PRORP: variants seen among roughly 807,000 people sequenced by gnomAD.
PRORP encodes protein only RNase P catalytic subunit, also known as mitochondrial ribonuclease P catalytic subunit.
Under a neutral mutation model 59.4 loss-of-function variants are expected in PRORP, and 51 were observed. The observed-to-expected ratio is 0.86, with a 90% CI of 0.69 to 1.08. The LOEUF is 1.08. Ranked by LOEUF, PRORP falls within the 50% of genes least tolerant of loss-of-function variation. The pLI is 0.00. For missense variants in PRORP, 646 were observed against 690.3 expected (o/e 0.94, Z 0.72); for synonymous variants, 231 against 245.6 (o/e 0.94, Z 0.55).
intron 5 of PRORP, among the ~76,000 whole-genome samples, chr14:35,239,121 C>T (rs148569167): frequency 1.3e-4 from 19 of 151,974 alleles, no homozygotes; most frequent in Middle Eastern, 3.4e-3. Context: ...CTTTAGGAGG[C>T]GAGGCGGGCG....
At chr14:35,185,183 G>T (rs1291616351) in intron 5 of PRORP, among the ~76,000 whole-genome samples, 2 of 152,056 alleles carry the variant, frequency 1.3e-5, no homozygotes, top group Non-Finnish European at 2.9e-5. Flanking sequence ...TCACCAGCAT[G>T]TATTATTTTT....
intron 4 of PRORP, among the ~76,000 whole-genome samples, chr14:35,138,509 A>G (rs1012355228): frequency 4.1e-5 from 6 of 145,536 alleles, no homozygotes; most frequent in African/African-American, 1.5e-4. Flanking sequence ...ATTTGAGAAT[A>G]TGAGGTATAA....
intron 5 of PRORP, among the ~76,000 whole-genome samples, chr14:35,219,503 G>A (rs2049714724): frequency 6.6e-6 from 1 of 152,160 alleles, no homozygotes; most frequent in Admixed American, 6.5e-5. Context: ...CAGTGTTTAG[G>A]TCCTGAGTAC....
rs1197494637 is a variant in PRORP at position 35,277,065 on chromosome 14, A to T, written c.*3499A>T. 6.6e-6 allele frequency: 1 copy of T among 150,490 alleles called. No individual in the cohort carries two copies. Among genetic ancestry groups the T allele is most frequent in the Non-Finnish European group, 1.5e-5 (1 of 67,740 alleles). The allele number at this position is 150,490 out of a possible 1,614,324, so 9.3% of individuals were successfully genotyped here. ...TGAGACAGAGTCTTGATCTTTTTTC[A>T]TCTAGGCTGGAGTGCAATGGTTTGA... On this transcript the variant is annotated 3_prime_UTR_variant, in exon 8 of 8. Transcript: ENST00000534898.
intron 4 of PRORP, among the ~76,000 whole-genome samples, chr14:35,149,457 C>T (rs2047690786): frequency 6.6e-6 from 1 of 152,198 alleles, no homozygotes; most frequent in African/African-American, 2.4e-5. Context: ...AAGTGATCCT[C>T]TTGCTTCAGC....
rs550528802 is a variant in PRORP at position 35,123,956 on chromosome 14, A to C, written c.711A>C (p.Lys237Asn). The C allele has an allele frequency of 3.1e-6, 5 of 1,614,060 alleles. No homozygotes were observed. In the African/African-American group the frequency reaches 6.7e-5, roughly 22 times the overall value. ...REALLLLEDIKKVITPSKKNY... is the reference protein window; with the variant it reads ...REALLLLEDINKVITPSKKNY... ...CATTGTTGCTGTTAGAGGACATCAA[A>C]AAAGTTATAACTCCTTCAAAAAAGA... The change falls in exon 2 of 8, where the codon AAA (lysine) becomes AAC (asparagine). Residue 237 changes from lysine to asparagine, a missense_variant. Transcript: ENST00000534898.
intron 4 of PRORP, among the ~76,000 whole-genome samples, chr14:35,132,948 GTGT>G (rs2047285974): frequency 6.6e-6 from 1 of 152,070 alleles, no homozygotes; most frequent in African/African-American, 2.4e-5. Flanking sequence ...TTGAGACGGA[GTGT>G]TGTTCTGTTG....
At chr14:35,184,489 T>G (rs1023614614) in intron 5 of PRORP, among the ~76,000 whole-genome samples, 39 of 152,198 alleles carry the variant, frequency 2.6e-4, no homozygotes, top group African/African-American at 9.4e-4. Context: ...CCACACACTG[T>G]TACACTGTTT....
intron 4 of PRORP, among the ~76,000 whole-genome samples, chr14:35,141,796 A>T (rs999928501): frequency 6.9e-6 from 1 of 144,540 alleles, no homozygotes; most frequent in African/African-American, 2.4e-5. Flanking sequence ...GGCTCACTGC[A>T]GCTGAGACCT....
intron 5 of PRORP, among the ~76,000 whole-genome samples, chr14:35,182,475 T>C (rs929374136): frequency 4.0e-5 from 6 of 151,812 alleles, no homozygotes; most frequent in African/African-American, 1.5e-4. Context: ...TGAAACCCCA[T>C]CTCTACTAAA....
At chr14:35,156,736 G>A (rs943856521) in intron 4 of PRORP, among the ~76,000 whole-genome samples, 11 of 152,154 alleles carry the variant, frequency 7.2e-5, no homozygotes, top group Admixed American at 1.3e-4. Flanking sequence ...GAGAAAAATA[G>A]GCAGAGGGTG....
intron 4 of PRORP, among the ~76,000 whole-genome samples, chr14:35,173,699 G>T (rs2048375065): frequency 6.6e-6 from 1 of 151,702 alleles, no homozygotes; most frequent in Non-Finnish European, 1.5e-5. Context: ...AATTTTACCT[G>T]GTATAATTCC....
At chr14:35,133,616 G>A (rs919776637) in intron 4 of PRORP, among the ~76,000 whole-genome samples, 3 of 152,090 alleles carry the variant, frequency 2.0e-5, no homozygotes, top group African/African-American at 7.2e-5. Flanking sequence ...TGCAGTCTGG[G>A]CTTGTTTGTA....
At chr14:35,178,051 G>A (rs991833124) in intron 4 of PRORP, among the ~76,000 whole-genome samples, 4 of 151,960 alleles carry the variant, frequency 2.6e-5, no homozygotes, top group African/African-American at 9.7e-5. Flanking sequence ...GTAGTTGAGC[G>A]GTTGAGTGAG....
At chr14:35,211,227 T>C (rs562221848) in intron 5 of PRORP, among the ~76,000 whole-genome samples, 1 of 152,306 alleles carries the variant, frequency 6.6e-6, no homozygotes, top group South Asian at 2.1e-4. Flanking sequence ...AGAGATACTT[T>C]TAAAGTTTTT....
intron 4 of PRORP, among the ~76,000 whole-genome samples, chr14:35,178,756 A>ATTG (rs201193813): frequency 0.59 from 88,954 of 151,490 alleles, 26,213 homozygotes; most frequent in East Asian, 0.69. Context: ...TAAGGTTAAT[A>ATTG]TTATGTGTGA....
intron 5 of PRORP, among the ~76,000 whole-genome samples, chr14:35,205,189 G>C (rs2049260025): frequency 6.6e-6 from 1 of 151,898 alleles, no homozygotes; most frequent in Non-Finnish European, 1.5e-5. Context: ...AGTTTTTGTT[G>C]TTGTTGTTTT....
chr14:35,253,080 T>C (rs1314750145), intron 5 of PRORP, among the ~76,000 whole-genome samples: 2 of 152,136 alleles, frequency 1.3e-5, no homozygotes, highest in Non-Finnish European at 2.9e-5. Context: ...ATGCCTGTAA[T>C]CCCAGTACTT....
chr14:35,238,158 A>G (rs1482592729), intron 5 of PRORP, among the ~76,000 whole-genome samples: 1 of 152,128 alleles, frequency 6.6e-6, no homozygotes, highest in African/African-American at 2.4e-5. Context: ...CATTTTACAA[A>G]TGAGAAAACT....
Sources: allele counts gnomAD v4.1 joint callset (sites outside exome capture counted in the v4.1 genomes callset), GRCh38; gene constraint gnomAD v4.1.1; transcripts MANE v1.5; gene names NCBI Gene and HGNC (gene_info 2026-07-23, HGNC 2026-07-21).